The following TNIK variants were observed in gnomAD, a reference collection of about 807,000 sequenced individuals.
TNIK encodes the protein TRAF2 and NCK interacting kinase, also known as TRAF2 and NCK-interacting protein kinase.
In TNIK, 49 loss-of-function variants were observed where a neutral mutation model predicts 191.3. That is an observed-to-expected ratio of 0.26 (90% CI 0.20 to 0.32). TNIK has a LOEUF of 0.32. Among genes scored for constraint, TNIK ranks in the 10% least tolerant of loss-of-function variants. The pLI, the probability that TNIK is intolerant of heterozygous loss-of-function variation, is 1.00. For synonymous variants in TNIK, 594 were observed against 600.9 expected (o/e 0.99, Z 0.17); for missense variants, 1,155 against 1,702.3 (o/e 0.68, Z 5.66).
intron 2 of TNIK, among the ~76,000 whole-genome samples, chr3:171,332,491 T>C (rs1314335837): frequency 6.6e-6 from 1 of 152,230 alleles, no homozygotes; most frequent in East Asian, 1.9e-4. Context: ...CCACCATTTA[T>C]GACAACCTTC....
chr3:171,211,272 T>C (rs1305919791), intron 3 of TNIK, 31 bp from the exon 4 acceptor site: 1 of 1,572,900 alleles, frequency 6.4e-7, no homozygotes, highest in African/African-American at 1.4e-5. Context: ...AATTCTGTCA[T>C]GAAAATCTAT....
At chr3:171,335,865 T>C (rs971701882) in intron 2 of TNIK, among the ~76,000 whole-genome samples, 8 of 152,208 alleles carry the variant, frequency 5.3e-5, no homozygotes, top group African/African-American at 1.9e-4. Context: ...AGTGGCACTT[T>C]AGAATGTATC....
chr3:171,094,203 T>C (rs2108419719), intron 22 of TNIK, among the ~76,000 whole-genome samples: 1 of 152,012 alleles, frequency 6.6e-6, no homozygotes, highest in South Asian at 2.1e-4. Flanking sequence ...GGCGCGATCT[T>C]GACTCACTGC....
At chr3:171,392,901 G>T (rs1719753061) in intron 1 of TNIK, among the ~76,000 whole-genome samples, 1 of 151,762 alleles carries the variant, frequency 6.6e-6, no homozygotes, top group Non-Finnish European at 1.5e-5. Flanking sequence ...GGCAAAAAGA[G>T]TAATAATCCT....
chr3:171,357,452 C>G (rs1714262241), intron 2 of TNIK, among the ~76,000 whole-genome samples: 1 of 151,766 alleles, frequency 6.6e-6, no homozygotes, highest in Non-Finnish European at 1.5e-5. Context: ...CCACACTCAG[C>G]TAGTTTTTGT....
chr3:171,345,715 C>CT (rs1178613752), intron 2 of TNIK, among the ~76,000 whole-genome samples: 3 of 152,218 alleles, frequency 2.0e-5, no homozygotes, highest in Admixed American at 6.5e-5. Flanking sequence ...TGAAAATGGA[C>CT]TTTTTTTCCC....
intron 2 of TNIK, among the ~76,000 whole-genome samples, chr3:171,312,582 T>A (rs917881330): frequency 6.6e-6 from 1 of 152,082 alleles, no homozygotes; most frequent in Non-Finnish European, 1.5e-5. Flanking sequence ...TTTAACTGGG[T>A]GCTTTGAATT....
At chr3:171,116,277 A>C (rs908516391) in intron 18 of TNIK, among the ~76,000 whole-genome samples, 2 of 152,198 alleles carry the variant, frequency 1.3e-5, no homozygotes, top group Non-Finnish European at 2.9e-5. Context: ...TTTCAGAAGA[A>C]TCCCATGAAA....
intron 2 of TNIK, among the ~76,000 whole-genome samples, chr3:171,245,170 G>C (rs931712017): frequency 6.6e-6 from 1 of 152,192 alleles, no homozygotes; most frequent in Non-Finnish European, 1.5e-5. Flanking sequence ...GCTGTGTAGG[G>C]ACTTGGGCTC....
intron 2 of TNIK, among the ~76,000 whole-genome samples, chr3:171,255,588 A>G (rs974250323): frequency 1.2e-4 from 18 of 152,214 alleles, no homozygotes; most frequent in African/African-American, 4.1e-4. Context: ...CACCTCTTCA[A>G]AAGCAGCAGA....
chr3:171,211,004 C>G, intron 4 of TNIK, 112 bp downstream of exon 4: 1 of 1,337,378 alleles, frequency 7.5e-7, no homozygotes, highest in South Asian at 1.3e-5. Flanking sequence ...ATCATGGGGG[C>G]TAATGGTTAA....
chr3:171,201,238 A>G (rs1218494227), intron 4 of TNIK, among the ~76,000 whole-genome samples: 2 of 152,114 alleles, frequency 1.3e-5, no homozygotes, highest in Non-Finnish European at 2.9e-5. Flanking sequence ...CATCTCTACT[A>G]AAAATACAGA....
At chr3:171,065,926 C>T (rs1034681717) in intron 32 of TNIK, among the ~76,000 whole-genome samples, 2 of 152,158 alleles carry the variant, frequency 1.3e-5, no homozygotes, top group African/African-American at 4.8e-5. Flanking sequence ...GGGGTGTCTG[C>T]TGAGTCATCA....
chr3:171,434,001 A>C (rs1725703102), intron 1 of TNIK, among the ~76,000 whole-genome samples: 1 of 129,998 alleles, frequency 7.7e-6, no homozygotes, highest in Non-Finnish European at 1.5e-5. Flanking sequence ...GCTGGAGTGC[A>C]GAAGCATGAG....
At chr3:171,435,769 G>C (rs184249603) in intron 1 of TNIK, among the ~76,000 whole-genome samples, 3 of 151,968 alleles carry the variant, frequency 2.0e-5, no homozygotes. Context: ...GCAATTTTTA[G>C]GGTTTTTCAT....
intron 1 of TNIK, among the ~76,000 whole-genome samples, chr3:171,448,482 A>G (rs1727780855): frequency 6.6e-6 from 1 of 151,824 alleles, no homozygotes; most frequent in Non-Finnish European, 1.5e-5. Flanking sequence ...GTAAGGATAT[A>G]CTATGCTACA....
chr3:171,362,943 C>A (rs1173478185), intron 2 of TNIK, among the ~76,000 whole-genome samples: 2 of 152,208 alleles, frequency 1.3e-5, no homozygotes, highest in Non-Finnish European at 2.9e-5. Flanking sequence ...CAGGTCCCCA[C>A]TCTGCCTGGA....
At chr3:171,221,174 T>C (rs1200175336) in intron 3 of TNIK, among the ~76,000 whole-genome samples, 1 of 152,190 alleles carries the variant, frequency 6.6e-6, no homozygotes, top group East Asian at 1.9e-4. Flanking sequence ...AAAAGCCATT[T>C]GTTTATCTTT....
In TNIK at chr3:171,107,761, CT is replaced by C. The variant is rs774100422; in HGVS notation, c.2382+303del. ...AGTACCCAAGTCTCTTTAACTGCTA[CT>C]TTCAACATCTTTTTGCCAAAGTTGC... is the stretch of plus-strand genomic sequence containing the variant. On this transcript the variant is annotated intron_variant, in intron 20 of 32. Coordinates refer to ENST00000436636, the MANE Select transcript of TNIK (RefSeq NM_015028.4). Among the ~76,000 whole-genome samples, 22 of 152,308 alleles carry C rather than the reference CT, an allele frequency of 1.4e-4. 1 individual carries two copies. Among genetic ancestry groups the C allele is most frequent in the Middle Eastern group, 6.8e-3 (2 of 294 alleles).
Sources: allele counts gnomAD v4.1 joint callset (sites outside exome capture counted in the v4.1 genomes callset), GRCh38; gene constraint gnomAD v4.1.1; transcripts MANE v1.5; gene names NCBI Gene and HGNC (gene_info 2026-07-23, HGNC 2026-07-21).